Variants in GPHN observed in about 807,000 individuals in gnomAD.
GPHN encodes the protein gephyrin.
In GPHN, 17 loss-of-function variants were observed where a neutral mutation model predicts 95.5. The observed-to-expected ratio is 0.18, with a 90% confidence interval of 0.12 to 0.27. The LOEUF (loss-of-function observed/expected upper bound fraction) is 0.27, where lower values mean the gene tolerates loss of function less well. Ranked by LOEUF, GPHN falls within the 10% of genes least tolerant of loss-of-function variation. GPHN has a pLI of 1.00. For missense variants in GPHN, 660 were observed against 978.1 expected, an observed-to-expected ratio of 0.67 and a Z score of 4.34; for synonymous variants, 320 against 322.5, an observed-to-expected ratio of 0.99 and a Z score of 0.08.
chr14:67,503,849 G>T, the GPHN span, among the ~76,000 whole-genome samples: 2 of 150,778 alleles, frequency 1.3e-5, no homozygotes, highest in African/African-American at 4.9e-5. Context: ...GATTACAGGT[G>T]CTCACCACCA....
At chr14:67,474,166 C>A in the GPHN span, among the ~76,000 whole-genome samples, 12 of 151,982 alleles carry the variant, frequency 7.9e-5, no homozygotes, top group Non-Finnish European at 5.9e-5. Flanking sequence ...GCAGAAGAAT[C>A]GCTTGAACCC....
chr14:66,864,044 A>G (rs544407757), intron 4 of GPHN, among the ~76,000 whole-genome samples: 1 of 152,314 alleles, frequency 6.6e-6, no homozygotes, highest in Admixed American at 6.5e-5. Flanking sequence ...AGAATAGGAG[A>G]AAATATTTGC....
the GPHN span, among the ~76,000 whole-genome samples, chr14:67,288,693 CTT>C: frequency 3.3e-5 from 5 of 151,988 alleles, no homozygotes; most frequent in Non-Finnish European, 7.4e-5. Flanking sequence ...TATTTAATCT[CTT>C]AGGGAATTCT....
chr14:67,409,264 G>C, the GPHN span, among the ~76,000 whole-genome samples: 2 of 150,070 alleles, frequency 1.3e-5, no homozygotes, highest in Admixed American at 6.6e-5. Context: ...TAAGTAACAG[G>C]GGGGTGTGGT....
intron 1 of GPHN, among the ~76,000 whole-genome samples, chr14:66,551,945 G>C (rs977466780): frequency 6.6e-6 from 1 of 152,026 alleles, no homozygotes; most frequent in Non-Finnish European, 1.5e-5. Flanking sequence ...ATTTGGGCAG[G>C]GATACAAATC....
chr14:67,340,938 G>A, the GPHN span, among the ~76,000 whole-genome samples: 1 of 152,244 alleles, frequency 6.6e-6, no homozygotes, highest in Non-Finnish European at 1.5e-5. Context: ...GGCCTCCCGA[G>A]GTGCCGGGAT....
chr14:67,386,047 G>A, the GPHN span: 1 of 152,238 alleles, frequency 6.6e-6, no homozygotes. Flanking sequence ...GCAACCTATG[G>A]AGATCCTGAT....
intron 9 of GPHN, among the ~76,000 whole-genome samples, chr14:66,984,172 A>C (rs2070869962): frequency 6.6e-6 from 1 of 152,190 alleles, no homozygotes; most frequent in African/African-American, 2.4e-5. Flanking sequence ...TTTTTATAGG[A>C]ATCTACCAAC....
the GPHN span, chr14:67,269,945 A>T: frequency 6.6e-6 from 1 of 152,230 alleles, no homozygotes; most frequent in African/African-American, 2.4e-5. Context: ...CTGGAGAAAG[A>T]GGGGAAGGAT....
intron 17 of GPHN, among the ~76,000 whole-genome samples, chr14:67,127,881 G>C (rs2079430692): frequency 6.6e-6 from 1 of 152,166 alleles, no homozygotes; most frequent in Non-Finnish European, 1.5e-5. Flanking sequence ...TGTCACTGTT[G>C]AATTATCTTT....
intron 11 of GPHN, among the ~76,000 whole-genome samples, chr14:67,067,260 G>A (rs918270311): frequency 6.6e-6 from 1 of 152,220 alleles, no homozygotes; most frequent in Non-Finnish European, 1.5e-5. Context: ...ATCACCAGCA[G>A]AGGCTGCAGA....
the GPHN span, among the ~76,000 whole-genome samples, chr14:67,243,200 T>C: frequency 6.6e-6 from 1 of 152,134 alleles, no homozygotes. Flanking sequence ...TTTCTTTTTT[T>C]TTTTGTGAGA....
At chr14:67,290,893 G>A in the GPHN span, among the ~76,000 whole-genome samples, 1 of 152,222 alleles carries the variant, frequency 6.6e-6, no homozygotes, top group Non-Finnish European at 1.5e-5. Flanking sequence ...GAAAAATAAA[G>A]TTAAATTTTT....
chr14:67,475,856 C>T, the GPHN span, among the ~76,000 whole-genome samples: 1 of 152,234 alleles, frequency 6.6e-6, no homozygotes, highest in Non-Finnish European at 1.5e-5. Context: ...TCAGGTGCCA[C>T]CCCAATGGCT....
the GPHN span, among the ~76,000 whole-genome samples, chr14:67,661,972 C>T: frequency 4.1e-4 from 63 of 151,862 alleles, 1 homozygote; most frequent in Middle Eastern, 3.4e-3. Context: ...CTGGCTAACA[C>T]GGTGAAACCC....
chr14:67,617,723 T>C, the GPHN span, among the ~76,000 whole-genome samples: 1 of 152,072 alleles, frequency 6.6e-6, no homozygotes, highest in Non-Finnish European at 1.5e-5. Flanking sequence ...TTTTGTTGTT[T>C]GTTTGTTTGT....
intron 2 of GPHN, among the ~76,000 whole-genome samples, chr14:66,746,529 CT>C (rs1443621598): frequency 1.3e-5 from 2 of 151,848 alleles, no homozygotes; most frequent in Non-Finnish European, 2.9e-5. Context: ...TAGCTAAGGC[CT>C]TTAAATATTT....
intron 11 of GPHN, among the ~76,000 whole-genome samples, chr14:67,079,083 T>G (rs935487546): frequency 1.3e-5 from 2 of 152,000 alleles, no homozygotes; most frequent in Admixed American, 1.3e-4. Flanking sequence ...AATTTTATAT[T>G]AATAATATTA....
At chr14:67,301,497 GT>G in the GPHN span, 2 of 1,492,470 alleles carry the variant, frequency 1.3e-6, no homozygotes, top group East Asian at 2.3e-5. Flanking sequence ...TATATATGTG[GT>G]TTTTCCAGCA....
Sources: allele counts gnomAD v4.1 joint callset (sites outside exome capture counted in the v4.1 genomes callset), GRCh38; gene constraint gnomAD v4.1.1; transcripts MANE v1.5; gene names NCBI Gene and HGNC (gene_info 2026-07-23, HGNC 2026-07-21).